The following GABRG2 variants were observed in gnomAD, a reference collection of about 807,000 sequenced individuals.
The protein encoded by GABRG2 is gamma-aminobutyric acid type A receptor subunit gamma2, also known as gamma-aminobutyric acid receptor subunit gamma-2.
In GABRG2, 16 loss-of-function variants were observed where a neutral mutation model predicts 56.4. The ratio of observed to expected loss-of-function variants is 0.28; its 90% CI spans 0.19 to 0.43. GABRG2 has a LOEUF of 0.43. Ranked by LOEUF, GABRG2 falls within the 20% of genes least tolerant of loss-of-function variation. The pLI is 1.00. For missense variants in GABRG2, 327 were observed against 582.7 expected, an observed-to-expected ratio of 0.56 and a Z score of 4.52; for synonymous variants, 208 against 205.5, an observed-to-expected ratio of 1.01 and a Z score of -0.10.
At chr5:162,133,846 A>C (rs1255726346) in intron 6 of GABRG2, among the ~76,000 whole-genome samples, 1 of 152,136 alleles carries the variant, frequency 6.6e-6, no homozygotes, top group Non-Finnish European at 1.5e-5. Flanking sequence ...AGGCTTTGCA[A>C]ATACTGAGCT....
intron 1 of GABRG2, among the ~76,000 whole-genome samples, chr5:162,083,916 T>C (rs1759854609): frequency 6.6e-6 from 1 of 151,884 alleles, no homozygotes; most frequent in Non-Finnish European, 1.5e-5. Flanking sequence ...AAAGTATTTT[T>C]TCAGTAAAAT....
chr5:162,103,738 T>C (rs1425348565), intron 5 of GABRG2, 151 bp from the exon 6 acceptor site: 9 of 778,280 alleles, frequency 1.2e-5, no homozygotes, highest in Non-Finnish European at 1.7e-5. Context: ...GCAATTTATG[T>C]TCTCATTGCA....
At chr5:162,116,496 T>C (rs1450753711) in intron 6 of GABRG2, among the ~76,000 whole-genome samples, 1 of 151,842 alleles carries the variant, frequency 6.6e-6, no homozygotes, top group Non-Finnish European at 1.5e-5. Flanking sequence ...CTCTGCTTTG[T>C]GGGTCTTAAG....
At chr5:162,122,852 A>C (rs1763066951) in intron 6 of GABRG2, among the ~76,000 whole-genome samples, 1 of 151,724 alleles carries the variant, frequency 6.6e-6, no homozygotes, top group South Asian at 2.1e-4. Flanking sequence ...TTGTAAAGCA[A>C]ATAAGAAAAT....
rs1223899417 is a variant in GABRG2 at position 162,154,901 on chromosome 5, A to C, written c.*1533A>C. The C allele has an allele frequency of 6.6e-6, 1 of 152,112 alleles. No homozygotes were observed. Among genetic ancestry groups the C allele is most frequent in the African/African-American group, 2.4e-5 (1 of 41,446 alleles). The allele number at this position is 152,112 out of a possible 1,614,324, so 9.4% of individuals were successfully genotyped here. Reference sequence around the variant, plus strand: ...GCCTCATTAGATTACATTGTAGTTAAACAAAGCAATTTCTCCAGACTTAAA... The same window carrying C: ...GCCTCATTAGATTACATTGTAGTTACACAAAGCAATTTCTCCAGACTTAAA... On this transcript the variant is annotated 3_prime_UTR_variant, in exon 10 of 10. Transcript: ENST00000639213.
At chr5:162,074,985 G>C (rs755994057) in intron 1 of GABRG2, among the ~76,000 whole-genome samples, 3 of 152,062 alleles carry the variant, frequency 2.0e-5, no homozygotes, top group South Asian at 2.1e-4. Flanking sequence ...CTCCCACTAT[G>C]GTAGGAGATA....
intron 6 of GABRG2, among the ~76,000 whole-genome samples, chr5:162,106,169 A>G (rs1254637665): frequency 6.6e-6 from 1 of 152,198 alleles, no homozygotes; most frequent in Admixed American, 6.5e-5. Flanking sequence ...AGCATAGCAA[A>G]AATAATTAAC....
intron 1 of GABRG2, among the ~76,000 whole-genome samples, chr5:162,086,541 G>T (rs1265573139): frequency 2.0e-5 from 3 of 151,938 alleles, no homozygotes; most frequent in Non-Finnish European, 4.4e-5. Flanking sequence ...TGCAAAATGT[G>T]TCTGAAAATA....
intron 1 of GABRG2, among the ~76,000 whole-genome samples, chr5:162,091,059 C>G (rs1718299557): frequency 1.3e-5 from 2 of 152,052 alleles, no homozygotes; most frequent in African/African-American, 4.8e-5. Flanking sequence ...TATGCATCAG[C>G]TCCTTTAATT....
chr5:162,114,236 C>T (rs909637819), intron 6 of GABRG2, among the ~76,000 whole-genome samples: 3 of 152,082 alleles, frequency 2.0e-5, no homozygotes, highest in Non-Finnish European at 4.4e-5. Flanking sequence ...TTACCAAAGT[C>T]TCTACTACTC....
rs387661 is a variant in GABRG2, at chr5:162,116,705, A to C, written c.769+12679A>C. Among the ~76,000 whole-genome samples, 249 of 151,974 alleles carry C rather than the reference A, an allele frequency of 1.6e-3. 2 individuals carry two copies. Among genetic ancestry groups the C allele is most frequent in the Non-Finnish European group, 2.9e-3 (197 of 67,984 alleles). ...TAACAATAGTATAATCCTTTATACT[A>C]TACATGACTCACCTACCTGGCCATG... On this transcript the variant is annotated intron_variant, in intron 6 of 9. Coordinates refer to ENST00000639213, the MANE Select transcript of GABRG2 (RefSeq NM_198904.4).
At position 162,153,550 on chromosome 5, in the gene GABRG2, A is replaced by G; in HGVS notation, c.*182A>G. On this transcript the variant is annotated 3_prime_UTR_variant, in exon 10 of 10. Coordinates refer to ENST00000639213, the MANE Select transcript of GABRG2 (RefSeq NM_198904.4). ...TGCCCAGCCCTCCTTTGGTTAGTGT[A>G]CTTTGAACTTCGATGTTTGCTGTGT... 1 of 729,996 alleles carries G rather than the reference A, an allele frequency of 1.4e-6. No individual in the cohort carries two copies. The highest frequency in any genetic ancestry group is 2.3e-6 in the Non-Finnish European group (1 of 438,102). The allele number at this position is 729,996 out of a possible 1,614,324, so 45.2% of individuals were successfully genotyped here. A position where few individuals can be genotyped will look rare whatever the true frequency, so the allele number is the denominator to read the frequency against.
intron 6 of GABRG2, among the ~76,000 whole-genome samples, chr5:162,105,332 C>A (rs539404880): frequency 1.3e-5 from 2 of 151,440 alleles, no homozygotes; most frequent in Non-Finnish European, 2.9e-5. Flanking sequence ...AAAAAAGAAT[C>A]TGAAAGAAGG....
intron 6 of GABRG2, among the ~76,000 whole-genome samples, chr5:162,117,452 A>AG (rs1762695048): frequency 6.6e-6 from 1 of 152,144 alleles, no homozygotes; most frequent in African/African-American, 2.4e-5. Flanking sequence ...GGAAAAAAAA[A>AG]ATCCTTAATG....
At chr5:162,121,660 A>G (rs1301460006) in intron 6 of GABRG2, among the ~76,000 whole-genome samples, 1 of 152,058 alleles carries the variant, frequency 6.6e-6, no homozygotes, top group African/African-American at 2.4e-5. Context: ...TGCCATGAAC[A>G]TCCAATTTTA....
chr5:162,094,220 T>C, intron 2 of GABRG2: 1 of 500,908 alleles, frequency 2.0e-6, no homozygotes, highest in Middle Eastern at 5.6e-4. Flanking sequence ...AATTCACATA[T>C]TGCTAGATAT....
At chr5:162,078,387 ATATATATATATTTTTTTTTTTTT>A (rs1486765666) in intron 1 of GABRG2, among the ~76,000 whole-genome samples, 1 of 35,780 alleles carries the variant, frequency 2.8e-5, no homozygotes, top group Non-Finnish European at 5.4e-5. Flanking sequence ...ATATATATAT[ATATATATATATTTTTTTTTTTTT>A]TTTTTTTTTT....
intron 6 of GABRG2, among the ~76,000 whole-genome samples, chr5:162,122,510 C>A (rs1042675676): frequency 6.6e-6 from 1 of 151,786 alleles, no homozygotes; most frequent in African/African-American, 2.4e-5. Context: ...GTTCGTTACA[C>A]ATATTATTGA....
At chr5:162,079,846 G>A (rs1459693967) in intron 1 of GABRG2, among the ~76,000 whole-genome samples, 1 of 151,938 alleles carries the variant, frequency 6.6e-6, no homozygotes, top group East Asian at 1.9e-4. Flanking sequence ...GCAGTGGTGC[G>A]ATAGCTCACT....
Sources: gnomAD v4.1 joint callset for allele counts (sites outside exome capture counted in the v4.1 genomes callset) on GRCh38, gnomAD v4.1.1 for gene constraint, MANE v1.5 for transcripts, NCBI Gene and HGNC (gene_info 2026-07-23, HGNC 2026-07-21) for gene names.